VAMP7: variants seen among roughly 807,000 people sequenced by gnomAD.
VAMP7 encodes vesicle associated membrane protein 7.
A neutral mutation model predicts 29.6 loss-of-function variants in VAMP7; 14 were observed. The ratio of observed to expected loss-of-function variants is 0.47; its 90% CI spans 0.31 to 0.74. The LOEUF is 0.74. Ranked by LOEUF, VAMP7 falls within the 30% of genes least tolerant of loss-of-function variation. The pLI, the probability that VAMP7 is intolerant of heterozygous loss-of-function variation, is 0.05. For missense variants in VAMP7, 223 were observed against 262.4 expected (o/e 0.85, Z 1.04); for synonymous variants, 95 against 88.1 (o/e 1.08, Z -0.44).
intron 5 of VAMP7, among the ~76,000 whole-genome samples, chrX:155,904,278 A>G (rs1461880367): frequency 1.3e-5 from 2 of 151,628 alleles, no homozygotes; most frequent in Admixed American, 1.3e-4. Flanking sequence ...TGGGTGCAGC[A>G]CACCAGCATG....
chrX:155,942,181 G>C lies in VAMP7; in HGVS notation c.*230G>C. ...TTCATTGCAGCAGTAGCCTTAAAAA[G>C]GCTTTTGTTTATTTCTTTGGTTTGT... On this transcript the variant is annotated 3_prime_UTR_variant, in exon 8 of 8. Transcript: ENST00000286448. The C allele has an allele frequency of 6.5e-7, 1 of 1,535,550 alleles. No homozygotes were observed. The highest frequency in any genetic ancestry group is 8.8e-7 in the Non-Finnish European group (1 of 1,139,770).
At chrX:155,898,009 T>C in intron 3 of VAMP7, 103 bp from the exon 4 acceptor site, 1 of 1,402,376 alleles carries the variant, frequency 7.1e-7, no homozygotes, top group Non-Finnish European at 9.8e-7. Flanking sequence ...CCTCAGATAA[T>C]CATTGCTCAG....
At chrX:155,933,291 C>G (rs1324468706) in intron 6 of VAMP7, among the ~76,000 whole-genome samples, 1 of 152,122 alleles carries the variant, frequency 6.6e-6, no homozygotes, top group East Asian at 1.9e-4. Flanking sequence ...TCAGCTCCTC[C>G]TTGTACCTCT....
intron 6 of VAMP7, among the ~76,000 whole-genome samples, chrX:155,934,218 G>A (rs949906256): frequency 1.4e-4 from 22 of 152,096 alleles, no homozygotes; most frequent in African/African-American, 4.3e-4. Flanking sequence ...TGTTAGGTCC[G>A]CTTGGTGCAG....
At chrX:155,889,205 A>G (rs927122534) in intron 1 of VAMP7, among the ~76,000 whole-genome samples, 1 of 151,984 alleles carries the variant, frequency 6.6e-6, no homozygotes, top group African/African-American at 2.4e-5. Flanking sequence ...CAAGCTATCA[A>G]TGGTGTGTGT....
intron 7 of VAMP7, among the ~76,000 whole-genome samples, chrX:155,941,501 T>TA (rs1191523758): frequency 6.6e-6 from 1 of 152,148 alleles, no homozygotes; most frequent in Non-Finnish European, 1.5e-5. Flanking sequence ...GTGCAAAACC[T>TA]AAAAATATAA....
chrX:155,913,508 C>G (rs967054022), intron 5 of VAMP7, among the ~76,000 whole-genome samples: 1 of 152,038 alleles, frequency 6.6e-6, no homozygotes, highest in Non-Finnish European at 1.5e-5. Flanking sequence ...GGTTTTAAGT[C>G]TTATGTTTAA....
intron 2 of VAMP7, among the ~76,000 whole-genome samples, chrX:155,893,755 C>T (rs1044811625): frequency 6.6e-6 from 1 of 152,156 alleles, no homozygotes; most frequent in African/African-American, 2.4e-5. Flanking sequence ...TAAGTGCCTC[C>T]CAAAGGCCTT....
intron 6 of VAMP7, among the ~76,000 whole-genome samples, chrX:155,931,133 C>T (rs1413644324): frequency 2.0e-5 from 3 of 152,080 alleles, no homozygotes; most frequent in Non-Finnish European, 2.9e-5. Context: ...GGGTTGGTTC[C>T]AGGTCTTTGC....
At chrX:155,916,558 C>CA (rs2066316927) in intron 5 of VAMP7, among the ~76,000 whole-genome samples, 1 of 152,130 alleles carries the variant, frequency 6.6e-6, no homozygotes, top group South Asian at 2.1e-4. Flanking sequence ...CTGGTGGTGA[C>CA]AAAATCTCTC....
At chrX:155,915,930 G>T in intron 5 of VAMP7, among the ~76,000 whole-genome samples, 1 of 151,842 alleles carries the variant, frequency 6.6e-6, no homozygotes, top group East Asian at 1.9e-4. Flanking sequence ...TTAATATTCT[G>T]TCTCAATCTA....
chrX:155,894,854 G>A (rs1404489489), intron 2 of VAMP7, among the ~76,000 whole-genome samples: 2 of 152,002 alleles, frequency 1.3e-5, no homozygotes, highest in African/African-American at 4.8e-5. Flanking sequence ...GAGCTCAAGC[G>A]ATCTGCCCGC....
At position 155,939,784 on chromosome X, in the gene VAMP7, CG is replaced by C; in HGVS notation, c.586del (p.Val196TyrfsTer23). On this transcript the variant is annotated frameshift_variant, in exon 7 of 8. Transcript: ENST00000286448. LOFTEE classifies it high-confidence loss of function. ...TCAAGCTCACTATTATCATCATCAT[CG>C]TATCAATTGTAAGTTTTTGTCCTTT... ...NLKLTIIIII[V>X]SIVFIYIIVS... 6.2e-7 allele frequency: 1 copy of C among 1,612,882 alleles called. No homozygotes were observed. Among genetic ancestry groups the C allele is most frequent in the Non-Finnish European group, 8.5e-7 (1 of 1,178,950 alleles).
chrX:155,915,972 A>G (rs977022190), intron 5 of VAMP7, among the ~76,000 whole-genome samples: 1 of 152,072 alleles, frequency 6.6e-6, no homozygotes, highest in African/African-American at 2.4e-5. Context: ...GTCTCCTACT[A>G]TTATTGTGTG....
chrX:155,889,359 T>TA, intron 1 of VAMP7, 99 bp from the exon 2 acceptor site: 2 of 1,465,572 alleles, frequency 1.4e-6, no homozygotes, highest in Non-Finnish European at 1.8e-6. Flanking sequence ...CCTCGTTAGA[T>TA]ACTATCTCCA....
intron 6 of VAMP7, among the ~76,000 whole-genome samples, chrX:155,927,931 T>G (rs1349458363): frequency 1.3e-5 from 2 of 152,086 alleles, no homozygotes; most frequent in African/African-American, 4.8e-5. Context: ...TTTGTTTTGT[T>G]TTTTTAAGAC....
chrX:155,925,074 C>T (rs2066449231), intron 6 of VAMP7, among the ~76,000 whole-genome samples: 1 of 152,212 alleles, frequency 6.6e-6, no homozygotes, highest in Non-Finnish European at 1.5e-5. Context: ...CTTCAGGCTC[C>T]AGTTCTAATT....
intron 5 of VAMP7, 136 bp from the exon 6 acceptor site, chrX:155,919,677 G>A: frequency 1.4e-6 from 1 of 729,340 alleles, no homozygotes; most frequent in Non-Finnish European, 2.3e-6. Context: ...TTCGAGTGGT[G>A]TCACCAGTGG....
chrX:155,938,401 T>C (rs1458623351), intron 6 of VAMP7, among the ~76,000 whole-genome samples: 2 of 152,194 alleles, frequency 1.3e-5, no homozygotes, highest in Non-Finnish European at 2.9e-5. Context: ...TTGTGGAGTA[T>C]GTGGTTGGAG....
Sources: gnomAD v4.1 joint callset for allele counts (sites outside exome capture counted in the v4.1 genomes callset) on GRCh38, gnomAD v4.1.1 for gene constraint, MANE v1.5 for transcripts, NCBI Gene and HGNC (gene_info 2026-07-23, HGNC 2026-07-21) for gene names.